SNTG1: variants seen among roughly 807,000 people sequenced by gnomAD.
The protein encoded by SNTG1 is syntrophin gamma 1.
In SNTG1, 39 loss-of-function variants were observed where a neutral mutation model predicts 74.7. That is an observed-to-expected ratio of 0.52 (90% CI 0.40 to 0.68). The LOEUF is 0.68. Among genes scored for constraint, SNTG1 ranks in the 30% least tolerant of loss-of-function variants. SNTG1 has a pLI of 0.00. For synonymous variants in SNTG1, 254 were observed against 217.1 expected (o/e 1.17, Z -1.49); for missense variants, 685 against 609.5 (o/e 1.12, Z -1.30).
At chr8:50,023,391 C>T (rs1303360947) in intron 1 of SNTG1, among the ~76,000 whole-genome samples, 2 of 152,072 alleles carry the variant, frequency 1.3e-5, no homozygotes, top group Non-Finnish European at 2.9e-5. Flanking sequence ...TAATCCTCAT[C>T]AAGAAGGGCA....
In SNTG1 at chr8:49,981,126, AG is replaced by A. The variant is rs1812640836; in HGVS notation, c.-103+68898del. 2.6e-5 allele frequency among the ~76,000 whole-genome samples: 4 copies of A among 152,322 alleles called. No individual in the cohort carries two copies. In the South Asian group the frequency reaches 8.3e-4, roughly 32 times the overall value. On this transcript the variant is annotated intron_variant, in intron 1 of 18. Transcript: ENST00000642720. ...ATTGAATTGAATCTCCTGGCAGGCC[AG>A]GGTATTAATCTGGGGAGAAGGAAAG...
At chr8:50,726,480 G>A (rs1359185252) in intron 17 of SNTG1, among the ~76,000 whole-genome samples, 2 of 152,146 alleles carry the variant, frequency 1.3e-5, no homozygotes, top group Non-Finnish European at 2.9e-5. Flanking sequence ...ATGAGCAAAA[G>A]CATCATGATT....
intron 1 of SNTG1, among the ~76,000 whole-genome samples, chr8:50,156,489 A>G (rs1268811334): frequency 6.6e-6 from 1 of 152,114 alleles, no homozygotes; most frequent in Non-Finnish European, 1.5e-5. Flanking sequence ...ACAAAAATCA[A>G]TATATGCACT....
At chr8:50,520,267 T>C (rs1411476458) in intron 9 of SNTG1, among the ~76,000 whole-genome samples, 1 of 152,176 alleles carries the variant, frequency 6.6e-6, no homozygotes, top group East Asian at 1.9e-4. Context: ...GACCTCTTCC[T>C]AACACCTTAT....
intron 15 of SNTG1, among the ~76,000 whole-genome samples, chr8:50,662,586 G>A (rs145310368): frequency 1.1e-4 from 16 of 152,308 alleles, no homozygotes; most frequent in Non-Finnish European, 1.6e-4. Context: ...CTTGCAATGT[G>A]TCAAAATTCT....
chr8:49,930,215 A>T (rs1418184157), intron 1 of SNTG1, among the ~76,000 whole-genome samples: 1 of 152,058 alleles, frequency 6.6e-6, no homozygotes, highest in East Asian at 1.9e-4. Context: ...AACAAGAGAT[A>T]GTATGAGAAA....
chr8:50,459,841 G>A lies in SNTG1; in HGVS notation c.363+9112G>A, dbSNP rs201266757. On this transcript the variant is annotated intron_variant, in intron 8 of 18. Coordinates refer to ENST00000642720, the MANE Select transcript of SNTG1 (RefSeq NM_018967.5). ...CTATCCATGTTGCTACAACAGACACGATTTTTTTCTTTTTTACTGCCATAT... is the reference window on the plus strand; with the variant it reads ...CTATCCATGTTGCTACAACAGACACAATTTTTTTCTTTTTTACTGCCATAT... 4.6e-5 allele frequency among the ~76,000 whole-genome samples: 7 copies of A among 152,226 alleles called. No homozygotes were observed. The East Asian group carries it at 9.7e-4, about 21-fold the overall frequency.
intron 12 of SNTG1, among the ~76,000 whole-genome samples, chr8:50,577,925 C>T (rs1166876355): frequency 6.6e-6 from 1 of 152,154 alleles, no homozygotes; most frequent in East Asian, 1.9e-4. Context: ...GTCCAGTCCT[C>T]AGTGATAAGA....
intron 17 of SNTG1, among the ~76,000 whole-genome samples, chr8:50,730,547 G>A (rs1450025898): frequency 1.3e-5 from 2 of 152,166 alleles, no homozygotes; most frequent in Non-Finnish European, 2.9e-5. Context: ...GGAACAAGAG[G>A]ATGTGTTTTG....
intron 1 of SNTG1, among the ~76,000 whole-genome samples, chr8:49,972,891 T>C (rs1004541809): frequency 2.0e-5 from 3 of 150,576 alleles, no homozygotes; most frequent in East Asian, 2.0e-4. Flanking sequence ...TGTGGAGAAA[T>C]AGGGACGCTT....
intron 2 of SNTG1, among the ~76,000 whole-genome samples, chr8:50,362,428 G>A (rs1054637400): frequency 2.0e-5 from 3 of 152,142 alleles, no homozygotes; most frequent in African/African-American, 7.2e-5. Context: ...GAAGGGAGAA[G>A]TATTGGACAC....
intron 2 of SNTG1, among the ~76,000 whole-genome samples, chr8:50,376,756 T>TATAGAGAGAGAGAGAGAGAG (rs1381048539): frequency 1.9e-4 from 17 of 89,948 alleles, no homozygotes; most frequent in Non-Finnish European, 2.5e-4. Flanking sequence ...TATATATATA[T>TATAGAGAGAGAGAGAGAGAG]AGAGAGAGAG....
Position 50,047,094 on chromosome 8 carries a change from C to T in SNTG1, c.-102-125467C>T, listed in dbSNP as rs564896660. On this transcript the variant is annotated intron_variant, in intron 1 of 18. Transcript: ENST00000642720. ...CTAAAAGAAATTTATTTTTAAATTC[C>T]AGCACTTTGGGAGGCTGAGTAGGGC... Among the ~76,000 whole-genome samples, 6 of 151,894 alleles carry T rather than the reference C, an allele frequency of 4.0e-5. No homozygotes were observed. In the East Asian group the frequency reaches 1.2e-3, roughly 29 times the overall value.
intron 2 of SNTG1, among the ~76,000 whole-genome samples, chr8:50,233,688 G>T (rs753929777): frequency 3.4e-5 from 5 of 148,240 alleles, no homozygotes; most frequent in Non-Finnish European, 7.5e-5. Flanking sequence ...AATTTATAAA[G>T]AATTCTCAAA....
intron 2 of SNTG1, among the ~76,000 whole-genome samples, chr8:50,243,971 T>C (rs184209615): frequency 6.6e-6 from 1 of 152,238 alleles, no homozygotes; most frequent in Non-Finnish European, 1.5e-5. Context: ...TGCATTGCTG[T>C]AAAGAAATAC....
At chr8:50,194,198 A>C (rs2131803281) in intron 2 of SNTG1, among the ~76,000 whole-genome samples, 1 of 152,150 alleles carries the variant, frequency 6.6e-6, no homozygotes, top group East Asian at 1.9e-4. Context: ...TGAATTAGGG[A>C]GGTTTCCTTC....
At chr8:50,154,462 A>G (rs1586510632) in intron 1 of SNTG1, among the ~76,000 whole-genome samples, 1 of 152,210 alleles carries the variant, frequency 6.6e-6, no homozygotes, top group African/African-American at 2.4e-5. Flanking sequence ...AACGTGCCCC[A>G]GTGAGATGAA....
At chr8:50,100,566 A>G (rs1208083439) in intron 1 of SNTG1, among the ~76,000 whole-genome samples, 1 of 152,130 alleles carries the variant, frequency 6.6e-6, no homozygotes, top group African/African-American at 2.4e-5. Context: ...TCAATTAAAA[A>G]AGGACATATT....
chr8:50,720,278 T>A lies in SNTG1; in HGVS notation c.1284+11300T>A, dbSNP rs1401723936. Among the ~76,000 whole-genome samples, 3 of 152,226 alleles carry A rather than the reference T, an allele frequency of 2.0e-5. No individual in the cohort carries two copies. The East Asian group carries it at 5.8e-4, about 29-fold the overall frequency. On this transcript the variant is annotated intron_variant, in intron 17 of 18. Coordinates refer to ENST00000642720, the MANE Select transcript of SNTG1 (RefSeq NM_018967.5). ...TTACCCTTGCCATTTAGCCTTTTAA[T>A]AACTTTCTCTAAACAAATCTAAAAG...
Sources: allele counts gnomAD v4.1 joint callset (sites outside exome capture counted in the v4.1 genomes callset), GRCh38; gene constraint gnomAD v4.1.1; transcripts MANE v1.5; gene names NCBI Gene and HGNC (gene_info 2026-07-23, HGNC 2026-07-21).